The following TRMT9B variants were observed in gnomAD, a reference collection of about 807,000 sequenced individuals.
TRMT9B encodes tRNA methyltransferase 9B (putative).
Under a neutral mutation model 11.5 loss-of-function variants are expected in TRMT9B, and 16 were observed. The observed-to-expected ratio is 1.39, with a 90% CI of 0.94 to 2.11. TRMT9B has a LOEUF of 2.11. TRMT9B is among the 30% of genes most tolerant of loss of function. TRMT9B has a pLI of 0.00. For synonymous variants in TRMT9B, 274 were observed against 192.4 expected, an observed-to-expected ratio of 1.42 and a Z score of -3.51; for missense variants, 941 against 553.8, an observed-to-expected ratio of 1.70 and a Z score of -7.02.
intron 1 of TRMT9B, among the ~76,000 whole-genome samples, chr8:12,985,734 C>A (rs1334165766): frequency 6.6e-6 from 1 of 152,116 alleles, no homozygotes; most frequent in Admixed American, 6.5e-5. Context: ...ATGCTGACAT[C>A]TATGGGACTT....
intron 1 of TRMT9B, among the ~76,000 whole-genome samples, chr8:12,972,982 C>T (rs910658313): frequency 3.5e-4 from 54 of 152,148 alleles, no homozygotes; most frequent in African/African-American, 1.3e-3. Flanking sequence ...AAACACTAAG[C>T]CCCTTTTACC....
At chr8:12,950,786 C>T (rs939217859) in intron 1 of TRMT9B, among the ~76,000 whole-genome samples, 1 of 152,028 alleles carries the variant, frequency 6.6e-6, no homozygotes, top group Non-Finnish European at 1.5e-5. Context: ...TAGTTGTGTC[C>T]TCACAAATAA....
chr8:12,962,378 T>A (rs1289393510), intron 1 of TRMT9B, among the ~76,000 whole-genome samples: 4 of 152,250 alleles, frequency 2.6e-5, no homozygotes, highest in African/African-American at 9.6e-5. Flanking sequence ...GTCTGATAGT[T>A]TGTCTACTTG....
At chr8:12,999,505 C>G (rs556777373) in intron 2 of TRMT9B, among the ~76,000 whole-genome samples, 3 of 151,988 alleles carry the variant, frequency 2.0e-5, no homozygotes, top group Non-Finnish European at 2.9e-5. Flanking sequence ...TGTTATATGT[C>G]AATTATACCT....
chr8:13,001,315 C>G (rs929572104), intron 2 of TRMT9B, among the ~76,000 whole-genome samples: 7 of 152,142 alleles, frequency 4.6e-5, no homozygotes. Flanking sequence ...CCTGGGTCCA[C>G]TCAGTGAGGC....
rs1182429884 is a variant in TRMT9B, at chr8:13,022,289, A to T, written c.*245A>T. 1 of 426,502 alleles carries T rather than the reference A, an allele frequency of 2.3e-6. No homozygotes were observed. Among genetic ancestry groups the T allele is most frequent in the Non-Finnish European group, 4.3e-6 (1 of 233,738 alleles). The allele number at this position is 426,502 out of a possible 1,614,324, so 26.4% of individuals were successfully genotyped here. A position where few individuals can be genotyped will look rare whatever the true frequency, so the allele number is the denominator to read the frequency against. ...TATACAAGATCTGAAGAAGCAACAG[A>T]AAGTACCCTTCAGTACACCTCAGAC... On this transcript the variant is annotated 3_prime_UTR_variant, in exon 5 of 5. Coordinates refer to ENST00000524591, the MANE Select transcript of TRMT9B (RefSeq NM_020844.3).
Position 13,022,067 on chromosome 8 carries a change from T to A in TRMT9B, c.*23T>A, listed in dbSNP as rs1253669284. The A allele has an allele frequency of 6.8e-7, 1 of 1,480,612 alleles. No homozygotes were observed. Among genetic ancestry groups the A allele is most frequent in the Non-Finnish European group, 9.1e-7 (1 of 1,099,964 alleles). 91.7% of individuals were successfully genotyped at this position (1,480,612 alleles called of 1,614,324 possible). The stretch of plus-strand genomic sequence containing the variant: ...TGATTGGATCCTTTTAGACAACTCC[T>A]CCAAAAGATGAACCACATTCTTTCC... On this transcript the variant is annotated 3_prime_UTR_variant, in exon 5 of 5. Coordinates refer to ENST00000524591, the MANE Select transcript of TRMT9B (RefSeq NM_020844.3).
At chr8:13,002,509 A>G (rs912847945) in intron 2 of TRMT9B, among the ~76,000 whole-genome samples, 18 of 152,174 alleles carry the variant, frequency 1.2e-4, no homozygotes, top group African/African-American at 4.3e-4. Flanking sequence ...TTTGGGTGGA[A>G]GTTTAGTCAG....
At chr8:13,011,611 G>T (rs1298229467) in intron 3 of TRMT9B, 1 of 950,632 alleles carries the variant, frequency 1.1e-6, no homozygotes, top group Non-Finnish European at 1.2e-6. Flanking sequence ...GTTTCAAGGT[G>T]GTTTATTCAT....
chr8:13,000,167 G>A (rs1809152838), intron 2 of TRMT9B, among the ~76,000 whole-genome samples: 2 of 152,150 alleles, frequency 1.3e-5, no homozygotes, highest in South Asian at 2.1e-4. Flanking sequence ...TAAGGGATAG[G>A]GAACTTGGAA....
chr8:12,952,713 T>G, intron 1 of TRMT9B: 4 of 980,244 alleles, frequency 4.1e-6, no homozygotes, highest in Non-Finnish European at 4.8e-6. Flanking sequence ...AGGTAAGGAT[T>G]TGTATGATAT....
intron 1 of TRMT9B, among the ~76,000 whole-genome samples, chr8:12,989,665 A>G (rs939818863): frequency 4.6e-5 from 7 of 152,212 alleles, no homozygotes; most frequent in African/African-American, 1.7e-4. Context: ...ATGACAGTCG[A>G]CTGCCCAGGT....
Position 12,958,581 on chromosome 8 carries a change from T to G in TRMT9B, c.-200+12615T>G, listed in dbSNP as rs115023297. 4.9e-3 allele frequency: 821 copies of G among 165,924 alleles called. 4 individuals carry two copies. Among genetic ancestry groups the G allele is most frequent in the African/African-American group, 0.019 (777 of 41,742 alleles). 10.3% of individuals were successfully genotyped at this position (165,924 alleles called of 1,614,324 possible). The stretch of plus-strand genomic sequence containing the variant: ...TCCATACAAGAAAGGAAGCTAGTTT[T>G]TCTGTCACAACTACCATGATGCATT... On this transcript the variant is annotated intron_variant, in intron 1 of 4. Transcript: ENST00000524591.
chr8:13,016,370 T>G (rs1284194548), intron 4 of TRMT9B, among the ~76,000 whole-genome samples: 1 of 146,572 alleles, frequency 6.8e-6, no homozygotes, highest in Non-Finnish European at 1.5e-5. Context: ...ACCTATATTA[T>G]GAGAAATATA....
At chr8:12,957,685 C>G (rs530944318) in intron 1 of TRMT9B, among the ~76,000 whole-genome samples, 4 of 152,228 alleles carry the variant, frequency 2.6e-5, no homozygotes, top group African/African-American at 9.6e-5. Context: ...GTGACCAGGA[C>G]TTAATGGTCA....
At chr8:12,971,103 A>T (rs1803553536) in intron 1 of TRMT9B, among the ~76,000 whole-genome samples, 1 of 152,222 alleles carries the variant, frequency 6.6e-6, no homozygotes, top group African/African-American at 2.4e-5. Flanking sequence ...CACCTCAAAC[A>T]TGTATCTTTG....
intron 2 of TRMT9B, among the ~76,000 whole-genome samples, chr8:12,998,420 G>T (rs144911189): frequency 1.3e-5 from 2 of 152,278 alleles, no homozygotes; most frequent in African/African-American, 2.4e-5. Flanking sequence ...AGCCACGTGT[G>T]TTTTCCATAG....
chr8:12,959,986 C>A (rs1801869960), intron 1 of TRMT9B: 1 of 152,218 alleles, frequency 6.6e-6, no homozygotes, highest in Non-Finnish European at 1.5e-5. Flanking sequence ...ATGCCAGTGT[C>A]AAGAACATAC....
chr8:12,962,104 G>A (rs1162251418), intron 1 of TRMT9B: 3 of 152,266 alleles, frequency 2.0e-5, no homozygotes, highest in Non-Finnish European at 4.4e-5. Context: ...CTACAGACAT[G>A]GACTGGATTC....
Sources: allele counts gnomAD v4.1 joint callset (sites outside exome capture counted in the v4.1 genomes callset), GRCh38; gene constraint gnomAD v4.1.1; transcripts MANE v1.5; gene names NCBI Gene and HGNC (gene_info 2026-07-23, HGNC 2026-07-21).